Variants in ANKRD37 observed in about 807,000 individuals in gnomAD.
The protein encoded by ANKRD37 is ankyrin repeat domain-containing protein 37.
A neutral mutation model predicts 19.7 loss-of-function variants in ANKRD37; 17 were observed. The observed-to-expected ratio is 0.86, with a 90% confidence interval of 0.59 to 1.29. The LOEUF is 1.29. ANKRD37 is among the 50% of genes most tolerant of loss of function. The pLI is 0.00. For synonymous variants in ANKRD37, 79 were observed against 74.5 expected (o/e 1.06, Z -0.31); for missense variants, 207 against 190.4 (o/e 1.09, Z -0.51).
rs891713752 is a variant in ANKRD37 at position 185,399,894 on chromosome 4, C to T, written c.476+121C>T. The T allele has an allele frequency of 3.3e-6, 5 of 1,537,432 alleles. No homozygotes were observed. The African/African-American group carries it at 6.9e-5, about 21-fold the overall frequency. On this transcript the variant is annotated intron_variant, in intron 4 of 4. Coordinates refer to ENST00000335174, the MANE Select transcript of ANKRD37 (RefSeq NM_181726.4). The stretch of plus-strand genomic sequence containing the variant: ...AGTAGTATTGTTTCATTCTCATTAA[C>T]ATTTTAGTACTGGTTATACTTACCA...
chr4:185,397,441 C>G lies in ANKRD37; in HGVS notation c.180+139C>G, dbSNP rs375130705. ...TGTCCAACAGAAATATAATGCAAGA[C>G]ACAGATGTAATTTAAGAGTTTTTTT... On this transcript the variant is annotated intron_variant, in intron 2 of 4. Coordinates refer to ENST00000335174, the MANE Select transcript of ANKRD37 (RefSeq NM_181726.4). 7.2e-5 allele frequency: 84 copies of G among 1,167,088 alleles called. No homozygotes were observed. In the East Asian group the frequency reaches 7.2e-4, roughly 10 times the overall value. 72.3% of individuals were successfully genotyped at this position (1,167,088 alleles called of 1,614,324 possible). A position where few individuals can be genotyped will look rare whatever the true frequency, so the allele number is the denominator to read the frequency against.
intron 2 of ANKRD37, among the ~76,000 whole-genome samples, chr4:185,397,869 A>G (rs2095507300): frequency 6.6e-6 from 1 of 152,262 alleles, no homozygotes; most frequent in African/African-American, 2.4e-5. Flanking sequence ...CTTCCACTGA[A>G]TATTAAAGCA....
At chr4:185,397,404 C>A in intron 2 of ANKRD37, 102 bp downstream of exon 2, 1 of 1,409,784 alleles carries the variant, frequency 7.1e-7, no homozygotes, top group Non-Finnish European at 9.5e-7. Flanking sequence ...AAAAACATGT[C>A]TATAGCAGCG....
intron 2 of ANKRD37, among the ~76,000 whole-genome samples, chr4:185,398,438 C>T (rs1162635968): frequency 6.6e-6 from 1 of 152,140 alleles, no homozygotes; most frequent in African/African-American, 2.4e-5. Context: ...AAGCATAGTA[C>T]ATTTCTATGT....
At chr4:185,400,496 GA>G, downstream of ANKRD37, 1 of 1,589,822 alleles carries the variant, frequency 6.3e-7, no homozygotes, top group Non-Finnish European at 8.6e-7. Flanking sequence ...GAGAAGACGG[GA>G]AAGGAAAGCC....
At chr4:185,398,326 T>C (rs1305320465) in intron 2 of ANKRD37, among the ~76,000 whole-genome samples, 2 of 152,198 alleles carry the variant, frequency 1.3e-5, no homozygotes, top group South Asian at 4.1e-4. Context: ...TAAAAAGCTT[T>C]TGCAGCTTAC....
downstream of ANKRD37, chr4:185,400,483 A>G (rs779570982): frequency 3.7e-6 from 6 of 1,609,106 alleles, no homozygotes; most frequent in Admixed American, 1.7e-5. Flanking sequence ...CCAGCCCTGG[A>G]TAGAGAAGAC....
intron 2 of ANKRD37, among the ~76,000 whole-genome samples, chr4:185,398,225 T>C (rs1187585730): frequency 6.6e-6 from 1 of 152,188 alleles, no homozygotes; most frequent in Non-Finnish European, 1.5e-5. Flanking sequence ...TCCAAAGTGG[T>C]GGGATTACAG....
chr4:185,397,374 C>G, intron 2 of ANKRD37, 72 bp downstream of exon 2: 1 of 1,552,092 alleles, frequency 6.4e-7, no homozygotes, highest in Non-Finnish European at 8.7e-7. Flanking sequence ...TCTCAGACGC[C>G]AAGAGTTGTT....
At chr4:185,400,359 C>T (rs901547985), downstream of ANKRD37, 3 of 1,460,206 alleles carry the variant, frequency 2.1e-6, no homozygotes, top group East Asian at 4.6e-5. Context: ...ATTTATAATA[C>T]CACTCTACTG....
chr4:185,396,948 G>A lies in ANKRD37; in HGVS notation c.25G>A (p.Glu9Lys), dbSNP rs2095505035. 1 of 1,613,486 alleles carries A rather than the reference G, an allele frequency of 6.2e-7. No homozygotes were observed. Among genetic ancestry groups the A allele is most frequent in the African/African-American group, 1.3e-5 (1 of 74,942 alleles). Residue 9 changes from glutamate (E) to lysine (K), a missense_variant and splice_region_variant, in exon 1 of 5, where the codon GAG becomes AAG. Coordinates refer to ENST00000335174, the MANE Select transcript of ANKRD37 (RefSeq NM_181726.4). ...AATGCTGTTGCTGGATTGCAACCCCGAGGTGAGATTCGGGCTCACAGAGCC... is the reference window on the plus strand; with the variant it reads ...AATGCTGTTGCTGGATTGCAACCCCAAGGTGAGATTCGGGCTCACAGAGCC... MLLLDCNP[E>K]VDGLKHLLET...
intron 2 of ANKRD37, 39 bp downstream of exon 2, chr4:185,397,341 C>G (rs1032015697): frequency 2.5e-6 from 4 of 1,598,400 alleles, no homozygotes; most frequent in Non-Finnish European, 3.4e-6. Context: ...CCGTCCCCTC[C>G]AACCCAGACA....
chr4:185,400,478 C>CCTGGATAGA, downstream of ANKRD37: 2 of 1,611,216 alleles, frequency 1.2e-6, no homozygotes, highest in Non-Finnish European at 8.5e-7. Flanking sequence ...CCGCACCAGC[C>CCTGGATAGA]CTGGATAGAG....
chr4:185,398,246 C>T (rs2095508103), intron 2 of ANKRD37, among the ~76,000 whole-genome samples: 1 of 152,190 alleles, frequency 6.6e-6, no homozygotes. Flanking sequence ...GCGTGAGCCA[C>T]CGCGCCCAGC....
chr4:185,399,438 T>C (rs1375560021), intron 3 of ANKRD37, 132 bp from the exon 4 acceptor site: 1 of 937,838 alleles, frequency 1.1e-6, no homozygotes, highest in Non-Finnish European at 1.6e-6. Context: ...AAAAATGCAA[T>C]TTCCTTATGC....
downstream of ANKRD37, chr4:185,400,624 T>C (rs2095512147): frequency 5.8e-6 from 3 of 519,170 alleles, no homozygotes; most frequent in Admixed American, 3.6e-5. Flanking sequence ...CCTACTAGCA[T>C]AGAAAAGTAA....
chr4:185,399,580 A>G lies in ANKRD37; in HGVS notation c.283A>G (p.Lys95Glu). Residue 95 changes from lysine to glutamate, a missense_variant, in exon 4 of 5, where the codon AAG becomes GAG. Lys to Glu is a moderately conservative substitution (Grantham distance 56). Transcript: ENST00000335174. ...ASDAQIDLCN[K>E]NGQTAEDLAW... ...TTATCCTGTTTTCAGTTTATGTAAT[A>G]AGAACGGGCAAACAGCTGAAGATCT... The G allele has an allele frequency of 6.2e-7, 1 of 1,614,208 alleles. No homozygotes were observed. Among genetic ancestry groups the G allele is most frequent in the Non-Finnish European group, 8.5e-7 (1 of 1,180,018 alleles).
chr4:185,399,562 G>GT lies in ANKRD37; in HGVS notation c.273-4dup. On this transcript the variant is annotated splice_region_variant and splice_polypyrimidine_tract_variant and intron_variant, in intron 3 of 4. Transcript: ENST00000335174. ...TTTCATTTCACTCCGTTTTTATCCT[G>GT]TTTTCAGTTTATGTAATAAGAACGG... 6.2e-7 allele frequency: 1 copy of GT among 1,613,898 alleles called. No homozygotes were observed. The highest frequency in any genetic ancestry group is 1.1e-5 in the South Asian group (1 of 91,064).
chr4:185,400,032 T>G lies in ANKRD37; in HGVS notation c.*15T>G. Reference sequence around the variant, plus strand: ...TTAAAAACAGATGTCACGTGGGTTATGAAGAAGTCTGAAGAACGCCTTCAT... The same window carrying G: ...TTAAAAACAGATGTCACGTGGGTTAGGAAGAAGTCTGAAGAACGCCTTCAT... On this transcript the variant is annotated 3_prime_UTR_variant, in exon 5 of 5. Coordinates refer to ENST00000335174, the MANE Select transcript of ANKRD37 (RefSeq NM_181726.4). 6.3e-7 allele frequency: 1 copy of G among 1,585,178 alleles called. No homozygotes were observed. The highest frequency in any genetic ancestry group is 8.6e-7 in the Non-Finnish European group (1 of 1,161,556).
Sources: gnomAD v4.1 joint callset for allele counts (sites outside exome capture counted in the v4.1 genomes callset) on GRCh38, gnomAD v4.1.1 for gene constraint, MANE v1.5 for transcripts, NCBI Gene and HGNC (gene_info 2026-07-23, HGNC 2026-07-21) for gene names.